The following NSUN2 variants were observed in gnomAD, a reference collection of about 807,000 sequenced individuals.
NSUN2 encodes RNA cytosine C(5)-methyltransferase NSUN2.
NSUN2 carries 63 observed loss-of-function variants against 92.7 expected under a neutral mutation model. The ratio of observed to expected loss-of-function variants is 0.68; its 90% CI spans 0.56 to 0.84. The LOEUF (loss-of-function observed/expected upper bound fraction) is 0.84. Among genes scored for constraint, NSUN2 ranks in the 40% least tolerant of loss-of-function variants. NSUN2 has a pLI of 0.00. For missense variants in NSUN2, 989 were observed against 964.9 expected (o/e 1.02, Z -0.33); for synonymous variants, 356 against 348.3 (o/e 1.02, Z -0.25).
At position 6,607,255 on chromosome 5, in the gene NSUN2, C is replaced by T; in HGVS notation, c.1453G>A (p.Ala485Thr). The T allele has an allele frequency of 6.2e-7, 1 of 1,614,214 alleles. No homozygotes were observed. Among genetic ancestry groups the T allele is most frequent in the South Asian group, 1.1e-5 (1 of 91,082 alleles). The change falls in exon 13 of 19, where the codon GCT becomes ACT. Residue 485 changes from alanine to threonine, a missense_variant. Transcript: ENST00000264670. ...SFTGTGDTEIAHATEDLENNG... is the reference protein window; with the variant it reads ...SFTGTGDTEITHATEDLENNG... ...TTCTCTAAATCCTCAGTTGCATGAGCTATTTCTGTGTCACCAGTTCCTGTG... is the reference window on the plus strand; with the variant it reads ...TTCTCTAAATCCTCAGTTGCATGAGTTATTTCTGTGTCACCAGTTCCTGTG...
intron 4 of NSUN2, among the ~76,000 whole-genome samples, chr5:6,624,992 G>T (rs969309823): frequency 3.3e-5 from 5 of 152,026 alleles, no homozygotes; most frequent in Admixed American, 2.0e-4. Context: ...AGGAATGTGG[G>T]TGGCTACGGA....
chr5:6,632,644 A>T lies in NSUN2; in HGVS notation c.209T>A (p.Leu70His). ...EGEWGQFMDA[L>H]REPLPATLRI... ...TAAAGTGGCCGGGAGCGGCTCCCTG[A>T]GAGCGTCCATGAACTGGCCCCACTC... Residue 70 changes from leucine (L) to histidine (H), a missense_variant, in exon 2 of 19, where the codon CTC becomes CAC. By Grantham distance (99) the Leu-to-His change is moderately conservative. Coordinates refer to ENST00000264670, the MANE Select transcript of NSUN2 (RefSeq NM_017755.6). 4 of 1,614,150 alleles carry T rather than the reference A, an allele frequency of 2.5e-6. No homozygotes were observed. Among genetic ancestry groups the T allele is most frequent in the Non-Finnish European group, 3.4e-6 (4 of 1,180,040 alleles).
At chr5:6,631,182 TAAC>T in intron 3 of NSUN2, among the ~76,000 whole-genome samples, 1 of 152,338 alleles carries the variant, frequency 6.6e-6, no homozygotes, top group East Asian at 1.9e-4. Context: ...AAGTTAATAA[TAAC>T]GACTTTCCCA....
At chr5:6,620,619 A>T (rs1448972593) in intron 6 of NSUN2, 8 of 199,574 alleles carry the variant, frequency 4.0e-5, no homozygotes, top group Non-Finnish European at 7.0e-5. Context: ...ATGAGGAGAA[A>T]GGTGTAGAAA....
intron 15 of NSUN2, 84 bp from the exon 16 acceptor site, chr5:6,604,769 C>A: frequency 8.7e-7 from 1 of 1,145,286 alleles, no homozygotes; most frequent in East Asian, 2.4e-5. Flanking sequence ...ATGGAGCAAC[C>A]GTCACGGAAT....
rs745384639 is a variant in NSUN2, at chr5:6,607,306, G to T, written c.1402C>A (p.Pro468Thr). ...AATGACGGACTTTCCAGCTTAGAGG[G>T]ATCTGTGGGTTTCCCTTCTGTGAGA... is the stretch of plus-strand genomic sequence containing the variant. ...ADLTEGKPTD[P>T]SKLESPSFTG... The change falls in exon 13 of 19, where the codon CCC (proline) becomes ACC (threonine). Residue 468 changes from proline (P) to threonine (T), a missense_variant. This residue lies in a region of NSUN2 where 626 missense variants were observed against 602.3 expected (regional missense o/e 1.04). Coordinates refer to ENST00000264670, the MANE Select transcript of NSUN2 (RefSeq NM_017755.6). 2 of 1,614,106 alleles carry T rather than the reference G, an allele frequency of 1.2e-6. No individual in the cohort carries two copies. Among genetic ancestry groups the T allele is most frequent in the Admixed American group, 3.3e-5 (2 of 60,014 alleles).
chr5:6,606,215 G>A (rs754667219), intron 14 of NSUN2, among the ~76,000 whole-genome samples: 14 of 152,206 alleles, frequency 9.2e-5, no homozygotes, highest in African/African-American at 3.1e-4. Flanking sequence ...TTGGCTACTC[G>A]TCTATATACT....
At chr5:6,608,663 C>G (rs1409810613) in intron 12 of NSUN2, among the ~76,000 whole-genome samples, 1 of 152,210 alleles carries the variant, frequency 6.6e-6, no homozygotes, top group Admixed American at 6.5e-5. Flanking sequence ...ATTAACACGT[C>G]AGAAACATCA....
At chr5:6,602,893 A>C (rs1331203882) in intron 17 of NSUN2, among the ~76,000 whole-genome samples, 1 of 152,246 alleles carries the variant, frequency 6.6e-6, no homozygotes, top group Non-Finnish European at 1.5e-5. Flanking sequence ...CAATACTGCA[A>C]TCATCTAAGT....
intron 3 of NSUN2, among the ~76,000 whole-genome samples, chr5:6,627,830 T>G (rs1053962468): frequency 6.6e-6 from 1 of 152,254 alleles, no homozygotes; most frequent in Non-Finnish European, 1.5e-5. Flanking sequence ...GTTTATTAAA[T>G]CTTTGTAGAT....
intron 4 of NSUN2, among the ~76,000 whole-genome samples, 196 bp downstream of exon 4, chr5:6,625,368 A>G (rs531218737): frequency 6.6e-6 from 1 of 152,346 alleles, no homozygotes; most frequent in African/African-American, 2.4e-5. Context: ...ACTAAATTTC[A>G]TGACTAGATA....
intron 4 of NSUN2, among the ~76,000 whole-genome samples, chr5:6,624,120 A>G (rs1737562214): frequency 6.6e-6 from 1 of 152,176 alleles, no homozygotes; most frequent in African/African-American, 2.4e-5. Flanking sequence ...GATGGCTGCT[A>G]ATTTTCACCT....
chr5:6,608,468 C>T (rs1049601704), intron 12 of NSUN2, among the ~76,000 whole-genome samples: 3 of 152,192 alleles, frequency 2.0e-5, no homozygotes, highest in African/African-American at 7.2e-5. Context: ...CCAGTAGGAC[C>T]AACAGCAGCA....
intron 18 of NSUN2, 64 bp downstream of exon 18, chr5:6,602,397 A>ATCACTTAGCCTGAGCCGAGTGTTCT (rs1736592415): frequency 6.6e-7 from 1 of 1,514,364 alleles, no homozygotes; most frequent in African/African-American, 1.4e-5. Flanking sequence ...TTTCCTCACC[A>ATCACTTAGCCTGAGCCGAGTGTTCT]ACGAGAACAC....
intron 3 of NSUN2, 42 bp downstream of exon 3, chr5:6,631,831 T>C (rs376305249): frequency 7.5e-6 from 10 of 1,334,512 alleles, no homozygotes; most frequent in Middle Eastern, 1.8e-4. Flanking sequence ...TAGAGATTAA[T>C]ATCCCAAATA....
intron 5 of NSUN2, 30 bp from the exon 6 acceptor site, chr5:6,622,130 T>G: frequency 6.4e-7 from 1 of 1,567,984 alleles, no homozygotes; most frequent in African/African-American, 1.4e-5. Flanking sequence ...CTGTTTCATG[T>G]TTTTAAAAAA....
chr5:6,626,176 A>G (rs1370210884), intron 3 of NSUN2, among the ~76,000 whole-genome samples: 1 of 152,176 alleles, frequency 6.6e-6, no homozygotes, highest in Non-Finnish European at 1.5e-5. Flanking sequence ...TATTTTACAT[A>G]CCAAAAAAAT....
intron 18 of NSUN2, among the ~76,000 whole-genome samples, chr5:6,602,083 T>C (rs926862223): frequency 2.0e-5 from 3 of 152,214 alleles, no homozygotes; most frequent in African/African-American, 7.2e-5. Context: ...TGCAGTAACA[T>C]GTCAGCAACA....
rs1736729519 is a variant in NSUN2, at chr5:6,605,423, ATTG to A, written c.1602-18_1602-16del. 9 of 1,602,078 alleles carry A rather than the reference ATTG, an allele frequency of 5.6e-6. No individual in the cohort carries two copies. Among genetic ancestry groups the A allele is most frequent in the Non-Finnish European group, 7.6e-6 (9 of 1,178,790 alleles). On this transcript the variant is annotated splice_polypyrimidine_tract_variant and intron_variant, in intron 14 of 18. Coordinates refer to ENST00000264670, the MANE Select transcript of NSUN2 (RefSeq NM_017755.6). ...CATAAAATTTCCTGTACATAACAAC[ATTG>A]TTGTTTATCCACAATGAGTTCAAAA...
Sources: allele counts gnomAD v4.1 joint callset (sites outside exome capture counted in the v4.1 genomes callset), GRCh38; gene constraint gnomAD v4.1.1; regional missense constraint gnomAD v4.1.1; transcripts MANE v1.5; gene names NCBI Gene and HGNC (gene_info 2026-07-23, HGNC 2026-07-21).